Variants in SIGIRR observed in about 807,000 individuals in gnomAD.
SIGIRR encodes single Ig IL-1-related receptor.
SIGIRR carries 41 observed loss-of-function variants against 45.6 expected under a neutral mutation model. The observed-to-expected ratio is 0.90, with a 90% CI of 0.70 to 1.17. The LOEUF (loss-of-function observed/expected upper bound fraction) is 1.17, where lower values mean the gene tolerates loss of function less well. Among genes scored for constraint, SIGIRR ranks in the 50% most tolerant of loss-of-function variants. The probability of loss-of-function intolerance (pLI) is 0.00; values close to 1 mark genes in which losing one functional copy is unlikely to be tolerated. For synonymous variants in SIGIRR, 298 were observed against 239.0 expected (o/e 1.25, Z -2.28); for missense variants, 599 against 539.6 (o/e 1.11, Z -1.09).
intron 8 of SIGIRR, 51 bp from the exon 9 acceptor site, chr11:406,589 T>C (rs373188904): frequency 1.7e-4 from 261 of 1,542,378 alleles, no homozygotes; most frequent in Admixed American, 2.5e-4. Flanking sequence ...CGGAAGCCCC[T>C]GGCGTCCTGG....
In SIGIRR at chr11:407,471, C is replaced by G; in HGVS notation, c.579G>C (p.Arg193=). ...GGTCGTCCAGGAAGAGCTTGTAGCC[C>G]CGACGCCGCTCCAGCTGCGGCTTTA... is the stretch of plus-strand genomic sequence containing the variant. ...FILKPQLERR[R]GYKLFLDDRD... Residue 193 remains arginine (R), a synonymous_variant, in exon 6 of 10, where the codon CGG becomes CGC. Coordinates refer to ENST00000431843, the MANE Select transcript of SIGIRR (RefSeq NM_001135054.2). 1.3e-6 allele frequency: 2 copies of G among 1,572,554 alleles called. No homozygotes were observed. The highest frequency in any genetic ancestry group is 1.7e-6 in the Non-Finnish European group (2 of 1,159,794).
upstream of SIGIRR, among the ~76,000 whole-genome samples, chr11:416,276 C>T (rs939406209): frequency 6.6e-6 from 1 of 152,098 alleles, no homozygotes; most frequent in East Asian, 1.9e-4. The surrounding 1 kb of genome is among the most constrained non-coding windows in gnomAD (Gnocchi z 9.1). Context: ...CCCGGCTCGG[C>T]GGCTGCTCTG....
In SIGIRR at chr11:406,979, C is replaced by T. The variant is rs1449818410; in HGVS notation, c.743G>A (p.Arg248Gln). The T allele has an allele frequency of 6.2e-7, 1 of 1,600,132 alleles. No homozygotes were observed. Among genetic ancestry groups the T allele is most frequent in the Admixed American group, 1.7e-5 (1 of 59,536 alleles). Residue 248 changes from arginine (R) to glutamine (Q), a missense_variant, in exon 8 of 10, where the codon CGG becomes CAG. Arg to Gln is a conservative substitution (Grantham distance 43). Transcript: ENST00000431843. ...CSHSFREGLC[R>Q]LLELTRRPIF... Reference sequence around the variant, plus strand: ...GGGTCTGCGGGTGAGCTCCAGCAGCCGGCACAGGCCCTCCCTGCGGGGCGG... The same window carrying T: ...GGGTCTGCGGGTGAGCTCCAGCAGCTGGCACAGGCCCTCCCTGCGGGGCGG...
At chr11:415,439 C>T (rs193134259), upstream of SIGIRR, among the ~76,000 whole-genome samples, 93 of 152,180 alleles carry the variant, frequency 6.1e-4, no homozygotes, top group East Asian at 0.012. This position sits in a 1 kb window ranked among gnomAD's most constrained non-coding sequence, Gnocchi z 6.6. Context: ...CCGGGGACCG[C>T]GCGGCATGCC....
chr11:407,770 G>A (rs1410356263), intron 5 of SIGIRR, 47 bp downstream of exon 5: 1 of 1,609,414 alleles, frequency 6.2e-7, no homozygotes, highest in African/African-American at 1.3e-5. Flanking sequence ...CGCACTCTCA[G>A]GGAGGCCGTG....
At chr11:409,675 G>A in intron 2 of SIGIRR, 193 bp downstream of exon 2, 1 of 508,004 alleles carries the variant, frequency 2.0e-6, no homozygotes, top group Non-Finnish European at 3.3e-6. Context: ...GAGGGTGCAG[G>A]GCTCATCCTC....
At chr11:406,181 G>A in intron 9 of SIGIRR, 122 bp from the exon 10 acceptor site, 2 of 1,537,604 alleles carry the variant, frequency 1.3e-6, no homozygotes, top group Non-Finnish European at 8.7e-7. Context: ...GAAGTTCCCA[G>A]GCAGACCGAG....
chr11:406,722 G>A, intron 8 of SIGIRR, 121 bp downstream of exon 8: 1 of 1,418,656 alleles, frequency 7.0e-7, no homozygotes, highest in Non-Finnish European at 9.2e-7. Flanking sequence ...CCTCCCCCCA[G>A]GGCCCATTCA....
Position 405,892 on chromosome 11 carries a change from G to T in SIGIRR, c.*4C>A, listed in dbSNP as rs1847265774. Reference sequence around the variant, plus strand: ...CCCTATGATCCTGCACTCTGGGGTGGGAGCTACATATCATCCTTGGACACC... The same window carrying T: ...CCCTATGATCCTGCACTCTGGGGTGTGAGCTACATATCATCCTTGGACACC... On this transcript the variant is annotated 3_prime_UTR_variant, in exon 10 of 10. Transcript: ENST00000431843. The T allele has an allele frequency of 6.3e-7, 1 of 1,589,410 alleles. No homozygotes were observed. Among genetic ancestry groups the T allele is most frequent in the East Asian group, 2.2e-5 (1 of 44,448 alleles).
intron 3 of SIGIRR, 79 bp downstream of exon 3, chr11:408,616 C>A (rs1847457604): frequency 1.3e-6 from 2 of 1,539,480 alleles, no homozygotes; most frequent in South Asian, 1.1e-5. Flanking sequence ...TGGTTACAGA[C>A]CCAGGCATAG....
intron 1 of SIGIRR, among the ~76,000 whole-genome samples, chr11:412,757 G>A (rs1847723189): frequency 6.6e-6 from 1 of 151,890 alleles, no homozygotes; most frequent in South Asian, 2.1e-4. Flanking sequence ...GCCCACGTCT[G>A]GTTACAGTCA....
chr11:406,899 G>T lies in SIGIRR; in HGVS notation c.823C>A (p.Leu275Met). 6.3e-7 allele frequency: 1 copy of T among 1,589,206 alleles called. No homozygotes were observed. Among genetic ancestry groups the T allele is most frequent in the Admixed American group, 1.7e-5 (1 of 57,512 alleles). Residue 275 changes from leucine to methionine, a missense_variant, in exon 8 of 10, where the codon CTG (leucine) becomes ATG (methionine). By Grantham distance (15) the Leu-to-Met change is conservative (BLOSUM62 2). Transcript: ENST00000431843. ...RRDPAHPALR[L>M]LRQHRHLVTL... ...ACCAGGTGGCGGTGCTGGCGCAGCA[G>T]GCGGAGCGCCGGGTGCGCGGGGTCG...
At position 407,132 on chromosome 11, in the gene SIGIRR, G is replaced by A. The variant is rs1404114406; in HGVS notation, c.658C>T (p.Arg220Cys). The A allele has an allele frequency of 7.1e-6, 11 of 1,555,634 alleles. No individual in the cohort carries two copies. The highest frequency in any genetic ancestry group is 1.8e-5 in the Admixed American group (1 of 54,568). The change falls in exon 7 of 10, where the codon CGC (arginine) becomes TGC (cysteine). Residue 220 changes from arginine (R) to cysteine (C), a missense_variant. Arg to Cys is a radical substitution (Grantham distance 180, BLOSUM62 -3). Transcript: ENST00000431843. ...PSADLLVNLS[R>C]CRRLIVVLSD... ...AGCACCACGATGAGGCGTCGGCAGC[G>A]GCTCAGGTTCACCAAGAGGTCGGCG...
At chr11:416,929 T>C (rs1490301561), upstream of SIGIRR, among the ~76,000 whole-genome samples, 1 of 151,694 alleles carries the variant, frequency 6.6e-6, no homozygotes, top group Non-Finnish European at 1.5e-5. The surrounding 1 kb of genome is among the most constrained non-coding windows in gnomAD (Gnocchi z 9.1). Flanking sequence ...GGCCCCAGCC[T>C]GACTCTTGGT....
chr11:408,882 T>C lies in SIGIRR; in HGVS notation c.19A>G (p.Arg7Gly), dbSNP rs779981210. 2.9e-5 allele frequency: 47 copies of C among 1,612,456 alleles called. No individual in the cohort carries two copies. Among genetic ancestry groups the C allele is most frequent in the Non-Finnish European group, 1.9e-5 (22 of 1,179,958 alleles). MPGVCD[R>G]APDFLSPSED... ...GACGGGGAGAGGAAGTCAGGGGCCC[T>C]ATCACAGACACCTGAAGAGAGAGGA... Residue 7 changes from arginine to glycine, a missense_variant, in exon 3 of 10, where the codon AGG becomes GGG. Physicochemically the swap from Arg to Gly is moderately radical, Grantham distance 125. Coordinates refer to ENST00000431843, the MANE Select transcript of SIGIRR (RefSeq NM_001135054.2).
chr11:408,855 C>T lies in SIGIRR; in HGVS notation c.46G>A (p.Glu16Lys). 1 of 1,612,778 alleles carries T rather than the reference C, an allele frequency of 6.2e-7. No individual in the cohort carries two copies. Among genetic ancestry groups the T allele is most frequent in the Non-Finnish European group, 8.5e-7 (1 of 1,179,986 alleles). The change falls in exon 3 of 10, where the codon GAA becomes AAA. Residue 16 changes from glutamate (E) to lysine (K), a missense_variant. By Grantham distance (56) the Glu-to-Lys change is moderately conservative. Coordinates refer to ENST00000431843, the MANE Select transcript of SIGIRR (RefSeq NM_001135054.2). ...DRAPDFLSPS[E>K]DQVLRPALGS... ...AAGGCAGGCCTCAGCACCTGGTCTT[C>T]AGACGGGGAGAGGAAGTCAGGGGCC...
At position 407,083 on chromosome 11, in the gene SIGIRR, G is replaced by T; in HGVS notation, c.707C>A (p.Ala236Asp). Residue 236 changes from alanine (A) to aspartate (D), a missense_variant, in exon 7 of 10, where the codon GCC becomes GAC. By Grantham distance (126) the Ala-to-Asp change is moderately radical. Transcript: ENST00000431843. The stretch of plus-strand genomic sequence containing the variant: ...CCACCGGAAGCTGTGGCTGCACCAG[G>T]CCCGGCTCAGGAAGGCGTCCGAAAG... ...VVLSDAFLSRAWCSHSFREGL... is the reference protein window; with the variant it reads ...VVLSDAFLSRDWCSHSFREGL... 1.3e-6 allele frequency: 2 copies of T among 1,556,520 alleles called. No individual in the cohort carries two copies.
At chr11:417,012 C>T (rs561274437), upstream of SIGIRR, among the ~76,000 whole-genome samples, 3 of 152,320 alleles carry the variant, frequency 2.0e-5, no homozygotes, top group Admixed American at 6.5e-5. The surrounding 1 kb of genome is among the most constrained non-coding windows in gnomAD (Gnocchi z 4.2). Context: ...CCCTGCGCGC[C>T]TCGGCGCTCC....
Position 407,005 on chromosome 11 carries a change from G to A in SIGIRR, c.729-12C>T, listed in dbSNP as rs766981145. 8 of 1,592,136 alleles carry A rather than the reference G, an allele frequency of 5.0e-6. No individual in the cohort carries two copies. The highest frequency in any genetic ancestry group is 6.8e-6 in the Non-Finnish European group (8 of 1,173,748). On this transcript the variant is annotated splice_polypyrimidine_tract_variant and intron_variant, in intron 7 of 9. Transcript: ENST00000431843. ...GGCACAGGCCCTCCCTGCGGGGCGG[G>A]ACCGTCAGGGGGGTGGGTGCTACGC...
Sources: gnomAD v4.1 joint callset for allele counts (sites outside exome capture counted in the v4.1 genomes callset) on GRCh38, gnomAD v4.1.1 for gene constraint, Gnocchi (gnomAD v3.1) non-coding constraint, MANE v1.5 for transcripts, NCBI Gene and HGNC (gene_info 2026-07-23, HGNC 2026-07-21) for gene names.